The following PTPRS variants were observed in gnomAD, a reference collection of about 807,000 sequenced individuals.
PTPRS encodes the protein protein tyrosine phosphatase receptor type S.
PTPRS carries 63 observed loss-of-function variants against 215.3 expected under a neutral mutation model. The ratio of observed to expected loss-of-function variants is 0.29; its 90% CI spans 0.24 to 0.36. PTPRS has a LOEUF of 0.36. Among genes scored for constraint, PTPRS ranks in the 10% least tolerant of loss-of-function variants. PTPRS has a pLI of 1.00. For missense variants in PTPRS, 2,258 were observed against 2,825.8 expected (o/e 0.80, Z 4.56); for synonymous variants, 1,404 against 1,191.4 (o/e 1.18, Z -3.68).
In PTPRS at chr19:5,221,928, C is replaced by T. The variant is rs146426912; in HGVS notation, c.3201+195G>A. 9.8e-4 allele frequency among the ~76,000 whole-genome samples: 149 copies of T among 152,314 alleles called. 1 individual carries two copies. Among genetic ancestry groups the T allele is most frequent in the African/African-American group, 3.5e-3 (147 of 41,558 alleles). The stretch of plus-strand genomic sequence containing the variant: ...CCCAATATTGACTGAACCTCAGTTC[C>T]AGCTGATCTCCAATCCTAGGCTGGG... On this transcript the variant is annotated intron_variant, in intron 19 of 37. Coordinates refer to ENST00000262963, the MANE Select transcript of PTPRS (RefSeq NM_002850.4).
chr19:5,322,898 A>AAAAAAAAAG (rs775619490), intron 1 of PTPRS, among the ~76,000 whole-genome samples: 20 of 120,326 alleles, frequency 1.7e-4, no homozygotes, highest in Non-Finnish European at 2.1e-4. Context: ...AAAAAAAAAA[A>AAAAAAAAAG]AAGAAGAAGA....
intron 1 of PTPRS, among the ~76,000 whole-genome samples, chr19:5,298,876 G>A (rs529791756): frequency 6.6e-6 from 1 of 152,138 alleles, no homozygotes; most frequent in African/African-American, 2.4e-5. Flanking sequence ...TCCTTCCAGG[G>A]GCTCAGGCTA....
chr19:5,229,467 G>GCCCCGC (rs1555759461), intron 15 of PTPRS, 24 bp downstream of exon 15: 9 of 1,393,090 alleles, frequency 6.5e-6, no homozygotes, highest in Non-Finnish European at 7.4e-6. Context: ...CCCGTCCCCG[G>GCCCCGC]CCCCGCCCCG....
At chr19:5,242,527 C>A (rs527699741) in intron 11 of PTPRS, among the ~76,000 whole-genome samples, 1 of 150,550 alleles carries the variant, frequency 6.6e-6, no homozygotes, top group South Asian at 2.1e-4. Flanking sequence ...GCCACCACGA[C>A]TGGCTAATTT....
rs1272436807 is a variant in PTPRS at position 5,340,799 on chromosome 19, C to G, written c.-230G>C. 1 of 149,160 alleles carries G rather than the reference C, an allele frequency of 6.7e-6. No individual in the cohort carries two copies. The highest frequency in any genetic ancestry group is 1.5e-5 in the Non-Finnish European group (1 of 66,996). The allele number at this position is 149,160 out of a possible 1,614,324, so 9.2% of individuals were successfully genotyped here. ...CGGCCGGGCTGCCGGGCGGGCGGCG[C>G]GAGGACACTCACTGCGGCTCGCGCT... On this transcript the variant is annotated 5_prime_UTR_variant, in exon 1 of 38. Transcript: ENST00000262963.
At chr19:5,264,886 G>A in intron 5 of PTPRS, 122 bp downstream of exon 5, 1 of 1,187,722 alleles carries the variant, frequency 8.4e-7, no homozygotes, top group Non-Finnish European at 1.2e-6. Flanking sequence ...GCCAACGCCT[G>A]CCACGGCCAC....
rs915679494 is a variant in PTPRS, at chr19:5,231,301, G to T, written c.2155+9C>A. 1.9e-6 allele frequency: 3 copies of T among 1,597,788 alleles called. No individual in the cohort carries two copies. ...TGCGGGGGGTCCCGGGCCTGGGGCA[G>T]GTACTTACCATCCTCGTCGGTGCGG... On this transcript the variant is annotated intron_variant, in intron 14 of 37. Transcript: ENST00000262963.
At chr19:5,240,073 G>A in intron 12 of PTPRS, 126 bp downstream of exon 12, 1 of 1,132,596 alleles carries the variant, frequency 8.8e-7, no homozygotes, top group Non-Finnish European at 1.2e-6. Context: ...AGAAGCAGAA[G>A]GGGTGAGGAA....
intron 1 of PTPRS, among the ~76,000 whole-genome samples, chr19:5,334,019 G>A (rs911142656): frequency 6.6e-6 from 1 of 150,798 alleles, no homozygotes; most frequent in African/African-American, 2.5e-5. Flanking sequence ...TCTGGAAGTT[G>A]GGAGCCACAT....
chr19:5,298,682 CCGCAG>C (rs1202555486), intron 1 of PTPRS, among the ~76,000 whole-genome samples: 1 of 152,248 alleles, frequency 6.6e-6, no homozygotes. Flanking sequence ...GCCAGCCGCA[CCGCAG>C]CGGGCATGAT....
rs1379803911 is a variant in PTPRS at position 5,215,378 on chromosome 19, T to C, written c.4229A>G (p.His1410Arg). The C allele has an allele frequency of 1.2e-6, 2 of 1,614,016 alleles. No homozygotes were observed. The highest frequency in any genetic ancestry group is 1.7e-5 in the Admixed American group (1 of 60,008). ...CGGCTTGTTCACTTCCAGGTTGGAATGTTCCCATGTGAACTGCTGTCCAGG... is the reference window on the plus strand; with the variant it reads ...CGGCTTGTTCACTTCCAGGTTGGAACGTTCCCATGTGAACTGCTGTCCAGG... The part of the protein sequence containing the change: ...IDPGQQFTWE[H>R]SNLEVNKPKN... The change falls in exon 28 of 38, where the codon CAT becomes CGT. Residue 1410 changes from histidine to arginine, a missense_variant. By Grantham distance (29) the His-to-Arg change is conservative. Transcript: ENST00000262963.
intron 4 of PTPRS, among the ~76,000 whole-genome samples, chr19:5,270,017 T>C (rs1348605628): frequency 6.6e-6 from 1 of 151,818 alleles, no homozygotes; most frequent in Non-Finnish European, 1.5e-5. Context: ...TCACAGCTTG[T>C]CCTTTTAATA....
rs1245273171 is a variant in PTPRS, at chr19:5,338,368, T to G, written c.-95+2296A>C. ...AGGGGGCTGGGAGGCCTAGCCCCCA[T>G]GCAGAAGTGCACCGTCATGATGAGG... On this transcript the variant is annotated intron_variant, in intron 1 of 37. Transcript: ENST00000262963. The surrounding 1 kb of genome is among the most constrained non-coding windows in gnomAD (Gnocchi z 4.2). Among the ~76,000 whole-genome samples, 3 of 151,720 alleles carry G rather than the reference T, an allele frequency of 2.0e-5. No homozygotes were observed. The highest frequency in any genetic ancestry group is 2.9e-5 in the Non-Finnish European group (2 of 67,990).
chr19:5,298,383 C>T (rs536937203), intron 1 of PTPRS, among the ~76,000 whole-genome samples: 39 of 152,304 alleles, frequency 2.6e-4, no homozygotes, highest in South Asian at 2.1e-3. Context: ...TACCCTTGAC[C>T]GGGGCAGGAC....
intron 1 of PTPRS, among the ~76,000 whole-genome samples, chr19:5,331,874 C>T (rs1480367893): frequency 2.0e-5 from 3 of 152,186 alleles, no homozygotes; most frequent in Non-Finnish European, 2.9e-5. Context: ...TTATCGAGCG[C>T]GGACGCTGGC....
chr19:5,254,390 T>C (rs1014513210), intron 9 of PTPRS, among the ~76,000 whole-genome samples: 3 of 149,072 alleles, frequency 2.0e-5, no homozygotes, highest in African/African-American at 7.5e-5. Flanking sequence ...CTGGGGTTGG[T>C]GGTTAAAAAT....
chr19:5,247,840 G>T (rs984204869), intron 9 of PTPRS, among the ~76,000 whole-genome samples: 6 of 151,940 alleles, frequency 3.9e-5, no homozygotes, highest in Admixed American at 3.9e-4. Context: ...GAGAAGGGGG[G>T]ACGTCGGCAG....
intron 7 of PTPRS, among the ~76,000 whole-genome samples, chr19:5,260,176 GTTTC>G (rs1344550023): frequency 1.4e-5 from 2 of 145,506 alleles, no homozygotes; most frequent in East Asian, 2.0e-4. Flanking sequence ...TGTTCGTTTT[GTTTC>G]TTTTTTTTTT....
chr19:5,292,431 T>C (rs564538844), intron 1 of PTPRS, among the ~76,000 whole-genome samples: 2 of 152,226 alleles, frequency 1.3e-5, no homozygotes, highest in African/African-American at 4.8e-5. Flanking sequence ...AGGAAGCCCC[T>C]TGGGGAGGGT....
Sources: gnomAD v4.1 joint callset for allele counts (sites outside exome capture counted in the v4.1 genomes callset) on GRCh38, gnomAD v4.1.1 for gene constraint, Gnocchi (gnomAD v3.1) non-coding constraint, MANE v1.5 for transcripts, NCBI Gene and HGNC (gene_info 2026-07-23, HGNC 2026-07-21) for gene names.